Variants in ANO3 observed in about 807,000 individuals in gnomAD.
The protein encoded by ANO3 is anoctamin 3.
ANO3 carries 99 observed loss-of-function variants against 144.8 expected under a neutral mutation model. The ratio of observed to expected loss-of-function variants is 0.68; its 90% confidence interval spans 0.58 to 0.81. The LOEUF (loss-of-function observed/expected upper bound fraction) is 0.81, where lower values mean the gene tolerates loss of function less well. Ranked by LOEUF, ANO3 falls within the 30% of genes least tolerant of loss-of-function variation. ANO3 has a pLI of 0.00. For synonymous variants in ANO3, 414 were observed against 392.6 expected (o/e 1.05, Z -0.64); for missense variants, 905 against 1,202.2 (o/e 0.75, Z 3.66).
At chr11:26,475,191 G>T (rs1036077486) in intron 4 of ANO3, among the ~76,000 whole-genome samples, 1 of 151,526 alleles carries the variant, frequency 6.6e-6, no homozygotes, top group African/African-American at 2.4e-5. Context: ...TTCCTTCTTA[G>T]TTTTTTTTAT....
intron 4 of ANO3, among the ~76,000 whole-genome samples, chr11:26,486,755 C>A (rs984472181): frequency 1.3e-5 from 2 of 152,122 alleles, no homozygotes; most frequent in African/African-American, 4.8e-5. Flanking sequence ...TAAAATAAAA[C>A]CCTGGGGCAG....
intron 1 of ANO3, among the ~76,000 whole-genome samples, chr11:26,207,730 G>A (rs117537634): frequency 2.6e-5 from 4 of 151,706 alleles, no homozygotes; most frequent in African/African-American, 7.3e-5. Flanking sequence ...CTAGATTACA[G>A]TAAAACTGAC....
chr11:26,635,149 AAGG>A, intron 20 of ANO3, 79 bp downstream of exon 20: 8 of 1,330,686 alleles, frequency 6.0e-6, no homozygotes, highest in Non-Finnish European at 8.6e-6. Context: ...GAGCTGAAGA[AAGG>A]AGAAGTTCAG....
At chr11:26,419,100 CTTA>C (rs1857678182) in intron 1 of ANO3, among the ~76,000 whole-genome samples, 5 of 151,030 alleles carry the variant, frequency 3.3e-5, no homozygotes, top group African/African-American at 9.8e-5. Context: ...CCTCAGGAAA[CTTA>C]CAATCATGGC....
chr11:26,519,741 A>G (rs1052285201), intron 6 of ANO3, among the ~76,000 whole-genome samples: 2 of 152,212 alleles, frequency 1.3e-5, no homozygotes, highest in African/African-American at 4.8e-5. Context: ...TGGAATTTCA[A>G]CATGTGAATT....
intron 14 of ANO3, among the ~76,000 whole-genome samples, chr11:26,583,711 C>T (rs952048132): frequency 2.0e-5 from 3 of 152,182 alleles, no homozygotes; most frequent in Non-Finnish European, 4.4e-5. Context: ...CTGTTTCTAC[C>T]TCATGTGTAG....
chr11:26,302,431 G>GT (rs958390731), intron 1 of ANO3, among the ~76,000 whole-genome samples: 1 of 152,174 alleles, frequency 6.6e-6, no homozygotes, highest in African/African-American at 2.4e-5. Context: ...GGAGGCAGTG[G>GT]TTGCAGTGAG....
chr11:26,524,799 C>A (rs186990059), intron 6 of ANO3, among the ~76,000 whole-genome samples: 1 of 152,292 alleles, frequency 6.6e-6, no homozygotes, highest in Non-Finnish European at 1.5e-5. Context: ...GTTTACCATC[C>A]TCCACTCTTT....
At chr11:26,308,026 G>A (rs1324889871), upstream of ANO3, among the ~76,000 whole-genome samples, 5 of 152,146 alleles carry the variant, frequency 3.3e-5, no homozygotes, top group African/African-American at 1.2e-4. Flanking sequence ...TTGGAGTTCA[G>A]CTTGCTTTCC....
rs141486273 is a variant in ANO3 at position 26,418,880 on chromosome 11, T to C, written c.47-23038T>C. ...TCAATTGCCAGAATTCCTCCAGTGATCTACACTTGGACTAATACAGAAAAC... is the reference window on the plus strand; with the variant it reads ...TCAATTGCCAGAATTCCTCCAGTGACCTACACTTGGACTAATACAGAAAAC... On this transcript the variant is annotated intron_variant, in intron 1 of 26. Coordinates refer to ENST00000256737, the MANE Select transcript of ANO3 (RefSeq NM_031418.4). 9.2e-5 allele frequency among the ~76,000 whole-genome samples: 14 copies of C among 152,234 alleles called. 1 individual carries two copies. The highest frequency in any genetic ancestry group is 3.4e-4 in the African/African-American group (14 of 41,572).
At chr11:26,202,910 G>A (rs59621361) in intron 1 of ANO3, among the ~76,000 whole-genome samples, 3,514 of 152,124 alleles carry the variant, frequency 0.023, 160 homozygotes, top group African/African-American at 0.081. Flanking sequence ...TTTACCAAGC[G>A]TAACACCTGG....
intron 1 of ANO3, among the ~76,000 whole-genome samples, chr11:26,290,277 C>T (rs11029486): frequency 0.021 from 3,189 of 151,700 alleles, 57 homozygotes; most frequent in East Asian, 0.12. Context: ...CATTTTTTAT[C>T]GCATCTATTT....
At chr11:26,251,249 T>C (rs1234473744) in intron 1 of ANO3, among the ~76,000 whole-genome samples, 1 of 152,046 alleles carries the variant, frequency 6.6e-6, no homozygotes, top group Admixed American at 6.6e-5. Flanking sequence ...TTCAAGAAAA[T>C]GAAAGCTTTC....
At chr11:26,629,138 C>T (rs1378486990) in intron 18 of ANO3, among the ~76,000 whole-genome samples, 1 of 152,140 alleles carries the variant, frequency 6.6e-6, no homozygotes, top group African/African-American at 2.4e-5. Context: ...TCCTCCACTT[C>T]TAGCAAAATG....
intron 1 of ANO3, among the ~76,000 whole-genome samples, chr11:26,353,181 C>T (rs1393430489): frequency 6.6e-6 from 1 of 152,084 alleles, no homozygotes; most frequent in Non-Finnish European, 1.5e-5. Flanking sequence ...AACTGTGGTG[C>T]CACCCATTTT....
chr11:26,253,943 G>T (rs1852996536), intron 1 of ANO3, among the ~76,000 whole-genome samples: 1 of 152,040 alleles, frequency 6.6e-6, no homozygotes, highest in South Asian at 2.1e-4. Flanking sequence ...AATTTTACAG[G>T]GTCCAGGATT....
intron 1 of ANO3, among the ~76,000 whole-genome samples, chr11:26,269,323 G>T (rs969337233): frequency 6.6e-6 from 1 of 152,148 alleles, no homozygotes; most frequent in Non-Finnish European, 1.5e-5. Context: ...CTTATTGGAG[G>T]GTGTGGGAAG....
chr11:26,444,680 G>T (rs1029538487), intron 3 of ANO3, among the ~76,000 whole-genome samples: 2 of 152,122 alleles, frequency 1.3e-5, no homozygotes, highest in African/African-American at 2.4e-5. Flanking sequence ...ATTTAATATG[G>T]CCAGGATAAA....
At chr11:26,197,592 C>T (rs1184981835) in intron 1 of ANO3, among the ~76,000 whole-genome samples, 1 of 152,016 alleles carries the variant, frequency 6.6e-6, no homozygotes, top group Non-Finnish European at 1.5e-5. Context: ...ACCTTGTGAT[C>T]CTCCCGCCTC....
Sources: allele counts gnomAD v4.1 joint callset (sites outside exome capture counted in the v4.1 genomes callset), GRCh38; gene constraint gnomAD v4.1.1; transcripts MANE v1.5; gene names NCBI Gene and HGNC (gene_info 2026-07-23, HGNC 2026-07-21).